Variants in KCNQ1 observed in about 807,000 individuals in gnomAD.
KCNQ1 encodes potassium voltage-gated channel subfamily Q member 1.
KCNQ1 carries 49 observed loss-of-function variants against 72.4 expected under a neutral mutation model. That is an observed-to-expected ratio of 0.68 (90% CI 0.54 to 0.86). KCNQ1 has a LOEUF of 0.86. KCNQ1 is among the 40% of genes least tolerant of loss of function. The pLI is 0.00. For missense variants in KCNQ1, 790 were observed against 945.1 expected (o/e 0.84, Z 2.15); for synonymous variants, 450 against 412.6 (o/e 1.09, Z -1.10).
intron 1 of KCNQ1, among the ~76,000 whole-genome samples, chr11:2,519,640 CAAAAA>C (rs869064341): frequency 8.6e-6 from 1 of 115,960 alleles, no homozygotes; most frequent in Admixed American, 8.4e-5. Context: ...CAAAACAAAA[CAAAAA>C]ACCAAAAAAC....
intron 6 of KCNQ1, among the ~76,000 whole-genome samples, chr11:2,574,403 G>T (rs1848388961): frequency 6.6e-6 from 1 of 152,172 alleles, no homozygotes; most frequent in African/African-American, 2.4e-5. Context: ...TGGGGGCTGG[G>T]GAGGAGGCCG....
At position 2,544,390 on chromosome 11, in the gene KCNQ1, A is replaced by ATATG. The variant is rs1334198399; in HGVS notation, c.477+16373_477+16374insATGT. ...TATGTGTATATATATGTGTGCATAT[A>ATATG]TGTGTATATATGTGTGTGTATATAT... On this transcript the variant is annotated intron_variant, in intron 2 of 15. Transcript: ENST00000155840. This position sits in a 1 kb window ranked among gnomAD's most constrained non-coding sequence, Gnocchi z 4.4. 3.7e-5 allele frequency among the ~76,000 whole-genome samples: 4 copies of ATATG among 108,740 alleles called. No homozygotes were observed. Among genetic ancestry groups the ATATG allele is most frequent in the African/African-American group, 7.2e-5 (2 of 27,808 alleles). The allele number at this position is 108,740 out of a possible 152,430, so 71.3% of individuals were successfully genotyped here. A position where few individuals can be genotyped will look rare whatever the true frequency, so the allele number is the denominator to read the frequency against.
At chr11:2,499,837 C>G (rs1029402214) in intron 1 of KCNQ1, among the ~76,000 whole-genome samples, 2 of 152,190 alleles carry the variant, frequency 1.3e-5, no homozygotes, top group African/African-American at 4.8e-5. Flanking sequence ...ATTTACAGGA[C>G]ATTTCATCCA....
intron 1 of KCNQ1, among the ~76,000 whole-genome samples, chr11:2,452,329 C>G (rs946048737): frequency 2.0e-5 from 3 of 152,158 alleles, no homozygotes; most frequent in Non-Finnish European, 4.4e-5. Context: ...GTACTCCCTT[C>G]GGCCCTGGAA....
rs546051158 is a variant in KCNQ1 at position 2,792,691 on chromosome 11, C to G, written c.1794+14654C>G. Among the ~76,000 whole-genome samples, 68 of 152,340 alleles carry G rather than the reference C, an allele frequency of 4.5e-4. No homozygotes were observed. The East Asian group carries it at 0.013, about 29-fold the overall frequency. On this transcript the variant is annotated intron_variant, in intron 15 of 15. Coordinates refer to ENST00000155840, the MANE Select transcript of KCNQ1 (RefSeq NM_000218.3). ...ACCACCTTGGCAACAGCAGGAGGCA[C>G]TGGCCAGAGCCACGGACAAGGGGGA... is the stretch of plus-strand genomic sequence containing the variant.
chr11:2,777,742 G>A (rs1846735864), intron 14 of KCNQ1: 2 of 615,678 alleles, frequency 3.2e-6, no homozygotes, highest in East Asian at 2.7e-5. Flanking sequence ...AGAGGTCAGA[G>A]GTGGAGAGCG....
rs192799747 is a variant in KCNQ1 at position 2,618,639 on chromosome 11, G to A, written c.1393+29785G>A. On this transcript the variant is annotated intron_variant, in intron 10 of 15. Transcript: ENST00000155840. ...ACCAGAAAGTATGAAGTCTCCCTTT[G>A]TTTTTCAGAACAGAATTTTCAGAAT... 1.0e-3 allele frequency: 409 copies of A among 398,506 alleles called. No homozygotes were observed. Among genetic ancestry groups the A allele is most frequent in the Non-Finnish European group, 1.3e-3 (294 of 226,026 alleles). 24.7% of individuals were successfully genotyped at this position (398,506 alleles called of 1,614,324 possible).
At position 2,782,208 on chromosome 11, in the gene KCNQ1, C is replaced by T. The variant is rs1846835372; in HGVS notation, c.1794+4171C>T. Among the ~76,000 whole-genome samples the T allele has an allele frequency of 6.6e-6, 1 of 152,186 alleles. No homozygotes were observed. The highest frequency in any genetic ancestry group is 6.5e-5 in the Admixed American group (1 of 15,272). ...TCCTCTCCCTTTAGCCCAACCCCTG[C>T]TGAGTTCAGGCCTTTATCATCTCTT... On this transcript the variant is annotated intron_variant, in intron 15 of 15. Coordinates refer to ENST00000155840, the MANE Select transcript of KCNQ1 (RefSeq NM_000218.3). The surrounding 1 kb of genome is among the most constrained non-coding windows in gnomAD (Gnocchi z 6.1).
At chr11:2,453,093 G>C (rs919966136) in intron 1 of KCNQ1, among the ~76,000 whole-genome samples, 1 of 152,250 alleles carries the variant, frequency 6.6e-6, no homozygotes, top group South Asian at 2.1e-4. Context: ...AGCAACCTTG[G>C]CTGGGTGCGG....
At chr11:2,765,040 G>A (rs147988697) in intron 11 of KCNQ1, among the ~76,000 whole-genome samples, 11 of 152,226 alleles carry the variant, frequency 7.2e-5, no homozygotes, top group Admixed American at 7.2e-4. Flanking sequence ...TCTTTGGTAG[G>A]AGGCAAATGG....
At chr11:2,570,326 G>T (rs893799979) in intron 2 of KCNQ1, among the ~76,000 whole-genome samples, 1 of 152,000 alleles carries the variant, frequency 6.6e-6, no homozygotes, top group Admixed American at 6.5e-5. Context: ...CTGGTGTGGG[G>T]CCCCCTCTGG....
intron 15 of KCNQ1, among the ~76,000 whole-genome samples, chr11:2,778,873 A>T (rs1341070557): frequency 2.6e-4 from 39 of 152,138 alleles, no homozygotes. Context: ...GCAGCCGGGC[A>T]GGCGGGGCAG....
At chr11:2,631,094 C>T (rs1849345303) in intron 10 of KCNQ1, 1 of 398,390 alleles carries the variant, frequency 2.5e-6, no homozygotes, top group Admixed American at 4.4e-5. Flanking sequence ...ATTCTTTGAG[C>T]TTCATGTACC....
chr11:2,634,116 G>A (rs954555529), intron 10 of KCNQ1: 89 of 391,588 alleles, frequency 2.3e-4, no homozygotes, highest in African/African-American at 1.7e-3. Flanking sequence ...TTGCTATTTC[G>A]GTGAAGATTG....
chr11:2,788,442 C>G (rs1846954005), intron 15 of KCNQ1, among the ~76,000 whole-genome samples: 1 of 152,156 alleles, frequency 6.6e-6, no homozygotes, highest in Admixed American at 6.5e-5. Flanking sequence ...GGCCAGGGAG[C>G]ACCTTGCCAC....
intron 1 of KCNQ1, among the ~76,000 whole-genome samples, chr11:2,487,677 G>A (rs1846764127): frequency 6.6e-6 from 1 of 152,014 alleles, no homozygotes; most frequent in South Asian, 2.1e-4. Context: ...TTCATTGTTA[G>A]CATATAGAAA....
At chr11:2,737,668 G>T (rs757354159) in intron 11 of KCNQ1, among the ~76,000 whole-genome samples, 1 of 152,174 alleles carries the variant, frequency 6.6e-6, no homozygotes, top group African/African-American at 2.4e-5. Flanking sequence ...GTGCTGACTC[G>T]GCCCTCGCAG....
intron 11 of KCNQ1, 133 bp downstream of exon 11, chr11:2,662,214 T>A: frequency 7.9e-7 from 1 of 1,270,166 alleles, no homozygotes; most frequent in Non-Finnish European, 1.1e-6. Context: ...ACTTGCCGTC[T>A]GCCTGGCCCC....
rs1050679996 is a variant in KCNQ1 at position 2,769,002 on chromosome 11, C to T, written c.1590+83C>T. ...TGCCCACACCTCTCCTGGGTTCTCT[C>T]CTGCCCATAGTGGAGGGTGTCAAGG... On this transcript the variant is annotated intron_variant, in intron 12 of 15. Transcript: ENST00000155840. The surrounding 1 kb of genome is among the most constrained non-coding windows in gnomAD (Gnocchi z 4.6). 9 of 1,192,450 alleles carry T rather than the reference C, an allele frequency of 7.5e-6. No individual in the cohort carries two copies. The highest frequency in any genetic ancestry group is 3.0e-5 in the African/African-American group (2 of 66,674). 73.9% of individuals were successfully genotyped at this position (1,192,450 alleles called of 1,614,324 possible).
Sources: gnomAD v4.1 joint callset for allele counts (sites outside exome capture counted in the v4.1 genomes callset) on GRCh38, gnomAD v4.1.1 for gene constraint, Gnocchi (gnomAD v3.1) non-coding constraint, MANE v1.5 for transcripts, NCBI Gene and HGNC (gene_info 2026-07-23, HGNC 2026-07-21) for gene names.